The following ZNF831 variants were observed in gnomAD, a reference collection of about 807,000 sequenced individuals.
ZNF831 encodes zinc finger protein 831.
In ZNF831, 59 loss-of-function variants were observed where a neutral mutation model predicts 95.8. That is an observed-to-expected ratio of 0.62 (90% CI 0.50 to 0.77). The LOEUF (loss-of-function observed/expected upper bound fraction) is 0.77, where lower values mean the gene tolerates loss of function less well. Among genes scored for constraint, ZNF831 ranks in the 30% least tolerant of loss-of-function variants. The pLI is 0.00. For synonymous variants in ZNF831, 961 were observed against 925.5 expected (o/e 1.04, Z -0.70); for missense variants, 2,205 against 2,164.0 (o/e 1.02, Z -0.38).
At chr20:59,168,558 G>A (rs1033095858) in intron 1 of ZNF831, among the ~76,000 whole-genome samples, 4 of 147,824 alleles carry the variant, frequency 2.7e-5, no homozygotes, top group African/African-American at 1.0e-4. Flanking sequence ...CTGCTTGCAA[G>A]TCTTTCCTTT....
In ZNF831 at chr20:59,192,366, G is replaced by C; in HGVS notation, c.1347G>C (p.Lys449Asn). The change falls in exon 2 of 6, where the codon AAG becomes AAC. Residue 449 changes from lysine (K) to asparagine (N), a missense_variant. By Grantham distance (94) the Lys-to-Asn change is moderately conservative. Transcript: ENST00000371030. This position sits in a 1 kb window ranked among gnomAD's most constrained non-coding sequence, Gnocchi z 5.2. ...SIDLPTPYTY[K>N]DSFHFDIRAL... ...ACCTGCCCACGCCCTACACCTACAA[G>C]GACTCCTTCCACTTTGACATCCGCG... 1 of 1,611,784 alleles carries C rather than the reference G, an allele frequency of 6.2e-7. No homozygotes were observed. The highest frequency in any genetic ancestry group is 8.5e-7 in the Non-Finnish European group (1 of 1,179,412).
intron 1 of ZNF831, among the ~76,000 whole-genome samples, chr20:59,177,780 A>G (rs1236237323): frequency 6.6e-6 from 1 of 152,198 alleles, no homozygotes; most frequent in East Asian, 1.9e-4. Flanking sequence ...GAAGCAGAGC[A>G]GAAGCGTGCA....
rs2146575654 is a variant in ZNF831 at position 59,193,010 on chromosome 20, C to T, written c.1991C>T (p.Ala664Val). The change falls in exon 2 of 6, where the codon GCA (alanine) becomes GTA (valine). Residue 664 changes from alanine to valine, a missense_variant. Transcript: ENST00000371030. ...CTGGGCTTTCCTCTGCAGAAAGAGG[C>T]AGCAGGGAGCTCAGGCACAGTCCCC... is the stretch of plus-strand genomic sequence containing the variant. Reference protein sequence around the residue: ...AELGFPLQKEAAGSSGTVPTQ... With the variant: ...AELGFPLQKEVAGSSGTVPTQ... 6.4e-7 allele frequency: 1 copy of T among 1,574,088 alleles called. No individual in the cohort carries two copies.
chr20:59,226,787 T>G (rs1986456912), intron 4 of ZNF831, among the ~76,000 whole-genome samples: 2 of 151,896 alleles, frequency 1.3e-5, no homozygotes, highest in South Asian at 4.2e-4. Flanking sequence ...GTCTTTGTCA[T>G]CATCACCAGA....
At chr20:59,194,805 T>C (rs781398168) in intron 2 of ZNF831, 48 bp downstream of exon 2, 1 of 1,507,650 alleles carries the variant, frequency 6.6e-7, no homozygotes, top group Non-Finnish European at 8.8e-7. Context: ...GAGCATGTTG[T>C]TATCCCGTAA....
At chr20:59,250,240 A>G (rs1300918480) in intron 4 of ZNF831, among the ~76,000 whole-genome samples, 3 of 152,136 alleles carry the variant, frequency 2.0e-5, no homozygotes, top group African/African-American at 4.8e-5. Context: ...TAGATTGAAA[A>G]TGGGGTTTGA....
chr20:59,207,074 G>C lies in ZNF831; in HGVS notation c.4027+18G>C, dbSNP rs755981165. The C allele has an allele frequency of 2.5e-6, 4 of 1,612,072 alleles. No homozygotes were observed. Among genetic ancestry groups the C allele is most frequent in the South Asian group, 2.2e-5 (2 of 90,932 alleles). On this transcript the variant is annotated intron_variant, in intron 4 of 5. Coordinates refer to ENST00000371030, the MANE Select transcript of ZNF831 (RefSeq NM_178457.3). ...AATAGCAGGTAATGCTCTCTTTGGA[G>C]GTGCATCCAGACTGGGCACTCGAAG...
rs146766256 is a variant in ZNF831 at position 59,242,712 on chromosome 20, G to A, written c.4028-10266G>A. Among the ~76,000 whole-genome samples the A allele has an allele frequency of 1.2e-3, 176 of 152,332 alleles. 1 individual carries two copies. The highest frequency in any genetic ancestry group is 3.9e-3 in the African/African-American group (162 of 41,568). On this transcript the variant is annotated intron_variant, in intron 4 of 5. Coordinates refer to ENST00000371030, the MANE Select transcript of ZNF831 (RefSeq NM_178457.3). ...CAAAAAATTGCACTAGGAAAGAGAAGTACCCTGGTATGGGTTGCTAGATTT... is the reference window on the plus strand; with the variant it reads ...CAAAAAATTGCACTAGGAAAGAGAAATACCCTGGTATGGGTTGCTAGATTT...
At chr20:59,161,286 G>GT (rs987523945), upstream of ZNF831, among the ~76,000 whole-genome samples, 35 of 148,032 alleles carry the variant, frequency 2.4e-4, no homozygotes, top group South Asian at 8.6e-4. Context: ...GTTTTTTTTT[G>GT]TTTTTTTTTG....
chr20:59,194,061 G>T lies in ZNF831; in HGVS notation c.3042G>T (p.Gln1014His), dbSNP rs777977861. The stretch of plus-strand genomic sequence containing the variant: ...AGGACCCCAGCTGTTCCAGGCCACA[G>T]GATGGGAGAAAAGGGGCACAGTTGG... ...ILEDPSCSRP[Q>H]DGRKGAQLGG... The change falls in exon 2 of 6, where the codon CAG becomes CAT. Residue 1014 changes from glutamine to histidine, a missense_variant. Transcript: ENST00000371030. 6 of 1,531,752 alleles carry T rather than the reference G, an allele frequency of 3.9e-6. No homozygotes were observed. The allele number at this position is 1,531,752 out of a possible 1,614,324, so 94.9% of individuals were successfully genotyped here. A position where few individuals can be genotyped will look rare whatever the true frequency, so the allele number is the denominator to read the frequency against.
intron 2 of ZNF831, among the ~76,000 whole-genome samples, chr20:59,153,364 G>A (rs1980354111): frequency 6.6e-6 from 1 of 152,238 alleles, no homozygotes; most frequent in South Asian, 2.1e-4. Flanking sequence ...GAGAAGGTCA[G>A]GGCCCGATTT....
chr20:59,239,898 G>A (rs1031252975), intron 4 of ZNF831, among the ~76,000 whole-genome samples: 1 of 152,108 alleles, frequency 6.6e-6, no homozygotes, highest in African/African-American at 2.4e-5. Context: ...AAGATTCTGG[G>A]GCAGCACAGT....
chr20:59,186,562 GGCCACCCTCTA>G (rs1568746465), intron 1 of ZNF831, among the ~76,000 whole-genome samples: 1 of 152,168 alleles, frequency 6.6e-6, no homozygotes, highest in Non-Finnish European at 1.5e-5. Flanking sequence ...ACAGTCTCAG[GGCCACCCTCTA>G]GCAAGATGGT....
chr20:59,135,494 G>A (rs1979473327), intron 1 of ZNF831, among the ~76,000 whole-genome samples: 1 of 152,208 alleles, frequency 6.6e-6, no homozygotes. Context: ...CACTTTGGGA[G>A]GCCGAGGCGG....
At position 59,190,989 on chromosome 20, in the gene ZNF831, C is replaced by T. The variant is rs2146541263; in HGVS notation, c.-31C>T. ...AGTTTGGTTGTTGTCTGCAGGTTTTCCAGCATTGTGGGCCATCCAGATGAT... is the reference window on the plus strand; with the variant it reads ...AGTTTGGTTGTTGTCTGCAGGTTTTTCAGCATTGTGGGCCATCCAGATGAT... On this transcript the variant is annotated 5_prime_UTR_variant, in exon 2 of 6. Coordinates refer to ENST00000371030, the MANE Select transcript of ZNF831 (RefSeq NM_178457.3). The T allele has an allele frequency of 6.8e-7, 1 of 1,465,684 alleles. No homozygotes were observed. The highest frequency in any genetic ancestry group is 1.4e-5 in the African/African-American group (1 of 70,526). The allele number at this position is 1,465,684 out of a possible 1,614,324, so 90.8% of individuals were successfully genotyped here.
intron 1 of ZNF831, among the ~76,000 whole-genome samples, chr20:59,170,793 G>T (rs1981669105): frequency 6.6e-6 from 1 of 152,200 alleles, no homozygotes. Context: ...GAAGAGATGT[G>T]ATTTGCCCAC....
chr20:59,208,395 ACT>A lies in ZNF831; in HGVS notation c.4027+1344_4027+1345del, dbSNP rs1396291236. The stretch of plus-strand genomic sequence containing the variant: ...CATGCAAAGGCCAGGGGACCATGCA[ACT>A]CTCTGCTTTCTCGTTGGGCCGTCCT... On this transcript the variant is annotated intron_variant, in intron 4 of 5. Coordinates refer to ENST00000371030, the MANE Select transcript of ZNF831 (RefSeq NM_178457.3). This position sits in a 1 kb window ranked among gnomAD's most constrained non-coding sequence, Gnocchi z 4.2. Among the ~76,000 whole-genome samples, 1 of 150,132 alleles carries A rather than the reference ACT, an allele frequency of 6.7e-6. No individual in the cohort carries two copies. The highest frequency in any genetic ancestry group is 6.6e-5 in the Admixed American group (1 of 15,118).
intron 4 of ZNF831, among the ~76,000 whole-genome samples, chr20:59,228,001 G>A (rs553583304): frequency 6.6e-6 from 1 of 152,038 alleles, no homozygotes; most frequent in South Asian, 2.1e-4. Context: ...AGTGATAATT[G>A]CAAATAAATA....
intron 1 of ZNF831, among the ~76,000 whole-genome samples, chr20:59,134,849 C>T (rs1214497949): frequency 6.6e-6 from 1 of 152,182 alleles, no homozygotes; most frequent in Admixed American, 6.5e-5. Context: ...CTTTGTGCCT[C>T]AGGTTCCTCT....
Sources: gnomAD v4.1 joint callset for allele counts (sites outside exome capture counted in the v4.1 genomes callset) on GRCh38, gnomAD v4.1.1 for gene constraint, Gnocchi (gnomAD v3.1) non-coding constraint, MANE v1.5 for transcripts, NCBI Gene and HGNC (gene_info 2026-07-23, HGNC 2026-07-21) for gene names.